The following ANK3 variants were observed in gnomAD, a reference collection of about 807,000 sequenced individuals.
ANK3 encodes the protein ankyrin-3.
In ANK3, 57 loss-of-function variants were observed where a neutral mutation model predicts 370.9. The ratio of observed to expected loss-of-function variants is 0.15; its 90% CI spans 0.12 to 0.19. ANK3 has a LOEUF of 0.19. Among genes scored for constraint, ANK3 ranks in the 10% least tolerant of loss-of-function variants. The pLI is 1.00. For synonymous variants in ANK3, 1,929 were observed against 1,946.3 expected, an observed-to-expected ratio of 0.99 and a Z score of 0.23; for missense variants, 4,439 against 5,302.1, an observed-to-expected ratio of 0.84 and a Z score of 5.06.
At position 60,070,766 on chromosome 10, in the gene ANK3, C is replaced by A. The variant is rs1455695625; in HGVS notation, c.10115G>T (p.Gly3372Val). Residue 3372 changes from glycine to valine, a missense_variant, in exon 37 of 44, where the codon GGC (glycine) becomes GTC (valine). Around this residue, in one of 13 missense-constraint regions of ANK3, gnomAD observed 1,601 missense variants for 1,731.7 expected, o/e 0.92. Transcript: ENST00000280772. This position sits in a 1 kb window ranked among gnomAD's most constrained non-coding sequence, Gnocchi z 5.7. Reference sequence around the variant, plus strand: ...ATTCTGAGGTGAATCAAGGCCAAGGCCAAATTCATTATCTTTTCCAGATCC... The same window carrying A: ...ATTCTGAGGTGAATCAAGGCCAAGGACAAATTCATTATCTTTTCCAGATCC... The part of the protein sequence containing the change: ...SNGSGKDNEF[G>V]LGLDSPQNEI... 2 of 1,614,150 alleles carry A rather than the reference C, an allele frequency of 1.2e-6. No individual in the cohort carries two copies.
At chr10:60,644,619 G>A (rs1215714451) in intron 1 of ANK3, among the ~76,000 whole-genome samples, 1 of 151,922 alleles carries the variant, frequency 6.6e-6, no homozygotes, top group African/African-American at 2.4e-5. Context: ...TTGGTTTATG[G>A]GATTGATTAC....
rs761064500 is a variant in ANK3, at chr10:60,069,231, T to A, written c.11650A>T (p.Thr3884Ser). 67 of 1,614,116 alleles carry A rather than the reference T, an allele frequency of 4.2e-5. No individual in the cohort carries two copies. The highest frequency in any genetic ancestry group is 5.3e-5 in the Non-Finnish European group (63 of 1,180,044). Residue 3884 changes from threonine to serine, a missense_variant, in exon 37 of 44, where the codon ACT becomes TCT. Thr to Ser is a moderately conservative substitution (Grantham distance 58). Transcript: ENST00000280772. ...ACCTGCTTCATTTTACTTGCTTTAG[T>A]GTTTGACATATGGTTCGGTGGGAAG... Reference protein sequence around the residue: ...DTFPPNHMSNTKASKMKQVSQ... With the variant: ...DTFPPNHMSNSKASKMKQVSQ...
At chr10:60,427,670 A>C (rs1210990169) in intron 2 of ANK3, among the ~76,000 whole-genome samples, 1 of 152,164 alleles carries the variant, frequency 6.6e-6, no homozygotes, top group Non-Finnish European at 1.5e-5. Flanking sequence ...ACATTTTGTG[A>C]TTTAAAAAAA....
At chr10:60,351,894 C>A (rs1024341402) in intron 1 of ANK3, among the ~76,000 whole-genome samples, 1 of 151,622 alleles carries the variant, frequency 6.6e-6, no homozygotes, top group African/African-American at 2.4e-5. Flanking sequence ...GATAACAATG[C>A]ATTAAAAAGA....
intron 1 of ANK3, among the ~76,000 whole-genome samples, chr10:60,704,382 C>T (rs1483670284): frequency 6.6e-6 from 1 of 152,016 alleles, no homozygotes; most frequent in East Asian, 1.9e-4. Flanking sequence ...TTAATCAATC[C>T]AGATTGAATA....
At chr10:60,637,540 A>G (rs1402802796) in intron 1 of ANK3, among the ~76,000 whole-genome samples, 1 of 152,212 alleles carries the variant, frequency 6.6e-6, no homozygotes, top group Non-Finnish European at 1.5e-5. Flanking sequence ...TAAGACATAT[A>G]TAACAAAGAT....
intron 1 of ANK3, chr10:60,684,376 G>A: frequency 1.9e-6 from 1 of 523,896 alleles, no homozygotes; most frequent in South Asian, 2.2e-5. Flanking sequence ...CCCAGCGGCT[G>A]AGAGAGACGT....
intron 4 of ANK3, among the ~76,000 whole-genome samples, chr10:60,271,181 T>C (rs563665518): frequency 1.3e-5 from 2 of 152,030 alleles, no homozygotes; most frequent in African/African-American, 4.8e-5. Flanking sequence ...TATAATTCTT[T>C]TATTATTATT....
chr10:60,124,852 G>A (rs571305041), intron 25 of ANK3, among the ~76,000 whole-genome samples: 1 of 152,274 alleles, frequency 6.6e-6, no homozygotes, highest in African/African-American at 2.4e-5. Flanking sequence ...CACAGCCCTA[G>A]TCTCCTCGTC....
At chr10:60,293,622 A>G (rs1342406449) in intron 1 of ANK3, among the ~76,000 whole-genome samples, 5 of 152,192 alleles carry the variant, frequency 3.3e-5, no homozygotes, top group African/African-American at 1.2e-4. Context: ...CAGAACAAGA[A>G]TGAATTGGAC....
intron 41 of ANK3, 132 bp downstream of exon 41, chr10:60,059,208 G>A: frequency 1.4e-6 from 1 of 706,184 alleles, no homozygotes; most frequent in Non-Finnish European, 2.5e-6. Context: ...ATAATGAACT[G>A]GTCTTTAAAG....
At chr10:60,129,009 G>A (rs983491054) in intron 25 of ANK3, among the ~76,000 whole-genome samples, 9 of 152,200 alleles carry the variant, frequency 5.9e-5, no homozygotes, top group Admixed American at 5.9e-4. Flanking sequence ...ATTCATCCCA[G>A]ACAATCAGGC....
intron 1 of ANK3, among the ~76,000 whole-genome samples, chr10:60,307,148 A>T (rs1463270848): frequency 6.6e-6 from 1 of 152,212 alleles, no homozygotes; most frequent in Admixed American, 6.5e-5. Flanking sequence ...GAAACACAGC[A>T]ATGGTCATTT....
chr10:60,149,599 C>G (rs74156420), intron 23 of ANK3, among the ~76,000 whole-genome samples: 32 of 152,308 alleles, frequency 2.1e-4, no homozygotes, highest in African/African-American at 7.5e-4. Context: ...AAAATATACT[C>G]GCTGTGACCT....
At chr10:60,478,964 A>C (rs1038359899) in intron 2 of ANK3, among the ~76,000 whole-genome samples, 1 of 152,040 alleles carries the variant, frequency 6.6e-6, no homozygotes, top group Non-Finnish European at 1.5e-5. Flanking sequence ...TTTTATTGTC[A>C]TTATTGTTGA....
At chr10:60,595,232 A>G (rs2077970839) in intron 2 of ANK3, among the ~76,000 whole-genome samples, 1 of 152,136 alleles carries the variant, frequency 6.6e-6, no homozygotes, top group Admixed American at 6.6e-5. Context: ...GAATTGCAAT[A>G]GTGAAAGTTT....
intron 15 of ANK3, 107 bp downstream of exon 15, chr10:60,196,420 G>T (rs2096586172): frequency 9.7e-6 from 9 of 932,418 alleles, no homozygotes; most frequent in Non-Finnish European, 1.5e-5. Context: ...ATCCTAGTGG[G>T]ACTTAAATAT....
At chr10:60,288,646 G>A (rs10821712) in intron 1 of ANK3, among the ~76,000 whole-genome samples, 14,356 of 152,092 alleles carry the variant, frequency 0.094, 1,110 homozygotes, top group East Asian at 0.19. Flanking sequence ...CCCCTGGGAC[G>A]GGGGAGTAGG....
chr10:60,070,281 T>C lies in ANK3; in HGVS notation c.10600A>G (p.Thr3534Ala), dbSNP rs759940253. The change falls in exon 37 of 44, where the codon ACA (threonine) becomes GCA (alanine). Residue 3534 changes from threonine to alanine, a missense_variant. Around this residue, in one of 13 missense-constraint regions of ANK3, gnomAD observed 1,601 missense variants for 1,731.7 expected, o/e 0.92. Transcript: ENST00000280772. This position sits in a 1 kb window ranked among gnomAD's most constrained non-coding sequence, Gnocchi z 5.7. ...VDEEFATPFKTVATKGLDFDP... is the reference protein window; with the variant it reads ...VDEEFATPFKAVATKGLDFDP... ...AAATCTAGACCTTTGGTAGCTACTG[T>C]TTTAAAAGGAGTGGCAAATTCTTCA... 1 of 1,614,126 alleles carries C rather than the reference T, an allele frequency of 6.2e-7. No individual in the cohort carries two copies. Among genetic ancestry groups the C allele is most frequent in the South Asian group, 1.1e-5 (1 of 91,082 alleles).
Sources: gnomAD v4.1 joint callset for allele counts (sites outside exome capture counted in the v4.1 genomes callset) on GRCh38, gnomAD v4.1.1 for gene constraint, gnomAD v4.1.1 regional missense constraint, Gnocchi (gnomAD v3.1) non-coding constraint, MANE v1.5 for transcripts, NCBI Gene and HGNC (gene_info 2026-07-23, HGNC 2026-07-21) for gene names.